UGT1A7: variants seen among roughly 807,000 people sequenced by gnomAD.
UGT1A7 encodes UDP glucuronosyltransferase family 1 member A7.
UGT1A7 carries 33 observed loss-of-function variants against 45.6 expected under a neutral mutation model. The ratio of observed to expected loss-of-function variants is 0.72; its 90% CI spans 0.55 to 0.97. The LOEUF is 0.97. UGT1A7 is among the 50% of genes least tolerant of loss of function. The probability of loss-of-function intolerance (pLI) is 0.00; values close to 1 mark genes in which losing one functional copy is unlikely to be tolerated. For synonymous variants in UGT1A7, 274 were observed against 250.6 expected (o/e 1.09, Z -0.88); for missense variants, 684 against 666.2 (o/e 1.03, Z -0.29).
intron 4 of UGT1A7, chr2:233,770,806 G>A (rs1700161628): frequency 6.6e-6 from 1 of 152,116 alleles, no homozygotes; most frequent in Admixed American, 6.5e-5. Context: ...TTTAAAGACA[G>A]TGTATTAGGC....
At chr2:233,761,227 G>GAT in intron 1 of UGT1A7, 1 of 1,613,278 alleles carries the variant, frequency 6.2e-7, no homozygotes, top group Non-Finnish European at 8.5e-7. Flanking sequence ...ACTAGCCCCA[G>GAT]ATATATGCTG....
intron 1 of UGT1A7, among the ~76,000 whole-genome samples, chr2:233,700,813 C>T (rs1389700095): frequency 6.6e-6 from 1 of 151,890 alleles, no homozygotes; most frequent in African/African-American, 2.4e-5. Context: ...TGTTGGTGTG[C>T]TGCACCCATT....
Position 233,743,631 on chromosome 2 carries a change from G to T in UGT1A7, c.856-23403G>T, listed in dbSNP as rs1346320649. Reference sequence around the variant, plus strand: ...AAGAACTCCCTGAAGACGTCGGCTGGGTCGCGGAAGCTGAAGACGTACTCG... The same window carrying T: ...AAGAACTCCCTGAAGACGTCGGCTGTGTCGCGGAAGCTGAAGACGTACTCG... On this transcript the variant is annotated intron_variant, in intron 1 of 4. Transcript: ENST00000373426. The T allele has an allele frequency of 2.2e-6, 3 of 1,367,310 alleles. No homozygotes were observed. The East Asian group carries it at 1.4e-4, about 62-fold the overall frequency. 84.7% of individuals were successfully genotyped at this position (1,367,310 alleles called of 1,614,324 possible).
At chr2:233,720,590 G>A (rs1172062832) in intron 1 of UGT1A7, among the ~76,000 whole-genome samples, 2 of 152,014 alleles carry the variant, frequency 1.3e-5, no homozygotes, top group Non-Finnish European at 2.9e-5. Context: ...AATTTCAGAG[G>A]TGACTTTCAT....
At chr2:233,743,757 C>G (rs774172513) in intron 1 of UGT1A7, 2 of 1,367,374 alleles carry the variant, frequency 1.5e-6, no homozygotes, top group South Asian at 1.1e-5. Context: ...GACAACACCT[C>G]GTAGGCCTCG....
At chr2:233,693,939 G>A in intron 1 of UGT1A7, 1 of 1,604,432 alleles carries the variant, frequency 6.2e-7, no homozygotes, top group Admixed American at 1.7e-5. Flanking sequence ...TTGGCTCCTT[G>A]AGCCGACTGT....
rs189834319 is a variant in UGT1A7, at chr2:233,769,760, C to T, written c.1295+1321C>T. On this transcript the variant is annotated intron_variant, in intron 4 of 4. Transcript: ENST00000373426. The surrounding 1 kb of genome is among the most constrained non-coding windows in gnomAD (Gnocchi z 4.4). ...GTCCCAGCCACTCTGGAGGCTAAGG[C>T]GGGAGGATTGCTTGAGCCCAGAAGT... The T allele has an allele frequency of 8.3e-4, 1,153 of 1,396,052 alleles. 4 individuals are homozygous for T. The African/African-American group carries it at 9.8e-3, about 12-fold the overall frequency. 86.5% of individuals were successfully genotyped at this position (1,396,052 alleles called of 1,614,324 possible).
At chr2:233,765,205 T>G (rs540441075) in intron 1 of UGT1A7, among the ~76,000 whole-genome samples, 9 of 152,292 alleles carry the variant, frequency 5.9e-5, no homozygotes, top group African/African-American at 2.2e-4. Flanking sequence ...ATTAGTGCCC[T>G]CAGTATTCTT....
chr2:233,765,544 G>A (rs148810143), intron 1 of UGT1A7, among the ~76,000 whole-genome samples: 5,118 of 152,186 alleles, frequency 0.034, 277 homozygotes, highest in African/African-American at 0.12. Context: ...CTCATAAGTG[G>A]GAGTTGAACA....
Position 233,743,622 on chromosome 2 carries a change from C to T in UGT1A7, c.856-23412C>T, listed in dbSNP as rs146398257. On this transcript the variant is annotated intron_variant, in intron 1 of 4. Coordinates refer to ENST00000373426, the MANE Select transcript of UGT1A7 (RefSeq NM_019077.3). ...TGGCCGCCGAAGAACTCCCTGAAGACGTCGGCTGGGTCGCGGAAGCTGAAG... is the reference window on the plus strand; with the variant it reads ...TGGCCGCCGAAGAACTCCCTGAAGATGTCGGCTGGGTCGCGGAAGCTGAAG... 1.1e-3 allele frequency: 1,535 copies of T among 1,367,328 alleles called. 50 individuals are homozygous for T. In the African/African-American group the frequency reaches 0.021, roughly 19 times the overall value. 84.7% of individuals were successfully genotyped at this position (1,367,328 alleles called of 1,614,324 possible). A position where few individuals can be genotyped will look rare whatever the true frequency, so the allele number is the denominator to read the frequency against.
chr2:233,743,976 C>T (rs2125858385), intron 1 of UGT1A7: 2 of 1,312,500 alleles, frequency 1.5e-6, no homozygotes, highest in African/African-American at 1.5e-5. Context: ...GCTGCCAGCA[C>T]CCAGGCGCAG....
At chr2:233,719,976 C>T (rs771566532) in intron 1 of UGT1A7, among the ~76,000 whole-genome samples, 2 of 152,122 alleles carry the variant, frequency 1.3e-5, no homozygotes, top group African/African-American at 2.4e-5. Flanking sequence ...TCCTTCAGCT[C>T]GGCAGGATCA....
At chr2:233,762,330 T>C (rs150255996) in intron 1 of UGT1A7, among the ~76,000 whole-genome samples, 11 of 152,350 alleles carry the variant, frequency 7.2e-5, no homozygotes, top group African/African-American at 1.9e-4. Flanking sequence ...TAATCCACAA[T>C]AGCTCTTTTT....
intron 1 of UGT1A7, chr2:233,743,295 G>A (rs1319359883): frequency 1.8e-6 from 1 of 548,688 alleles, no homozygotes; most frequent in African/African-American, 2.0e-5. Flanking sequence ...CATTCTCAAT[G>A]ATTCTCTTGG....
chr2:233,685,448 C>T (rs1020256120), intron 1 of UGT1A7, among the ~76,000 whole-genome samples: 1 of 152,216 alleles, frequency 6.6e-6, no homozygotes, highest in Non-Finnish European at 1.5e-5. Context: ...GCTGAATCTA[C>T]ACCATCTAGG....
chr2:233,735,071 T>C (rs1186471486), intron 1 of UGT1A7, among the ~76,000 whole-genome samples: 1 of 152,214 alleles, frequency 6.6e-6, no homozygotes, highest in Non-Finnish European at 1.5e-5. Flanking sequence ...GATATCCTTG[T>C]TAACCTTTGG....
At chr2:233,724,244 G>T (rs2077194489) in intron 1 of UGT1A7, among the ~76,000 whole-genome samples, 1 of 128,230 alleles carries the variant, frequency 7.8e-6, no homozygotes, top group East Asian at 2.4e-4. Context: ...GCCGGGCAGA[G>T]GCGCCCCTCA....
At chr2:233,710,719 TA>T (rs2076144799) in intron 1 of UGT1A7, among the ~76,000 whole-genome samples, 1 of 152,218 alleles carries the variant, frequency 6.6e-6, no homozygotes, top group South Asian at 2.1e-4. Context: ...TTTCATTTTT[TA>T]AAAAACAACG....
chr2:233,689,859 A>G (rs548633019), intron 1 of UGT1A7: 5 of 456,176 alleles, frequency 1.1e-5, no homozygotes, highest in South Asian at 6.2e-5. Flanking sequence ...TTAGGCTACT[A>G]TTACCTTCTT....
Sources: allele counts gnomAD v4.1 joint callset (sites outside exome capture counted in the v4.1 genomes callset), GRCh38; gene constraint gnomAD v4.1.1; non-coding constraint Gnocchi (gnomAD v3.1); transcripts MANE v1.5; gene names NCBI Gene and HGNC (gene_info 2026-07-23, HGNC 2026-07-21).